PFN1: variants seen among roughly 807,000 people sequenced by gnomAD.
The protein encoded by PFN1 is profilin 1, also known as profilin-1.
PFN1 carries 2 observed loss-of-function variants against 11.7 expected under a neutral mutation model. That is an observed-to-expected ratio of 0.17 (90% CI 0.07 to 0.54). The LOEUF (loss-of-function observed/expected upper bound fraction) is 0.54. Among genes scored for constraint, PFN1 ranks in the 20% least tolerant of loss-of-function variants. The probability of loss-of-function intolerance (pLI) is 0.94; values close to 1 mark genes in which losing one functional copy is unlikely to be tolerated. For missense variants in PFN1, 97 were observed against 188.4 expected (o/e 0.51, Z 2.84); for synonymous variants, 78 against 76.2 (o/e 1.02, Z -0.12).
At position 4,946,980 on chromosome 17, in the gene PFN1, C is replaced by G. The variant is rs1971411646; in HGVS notation, c.133-160G>C. On this transcript the variant is annotated intron_variant, in intron 1 of 2. Coordinates refer to ENST00000225655, the MANE Select transcript of PFN1 (RefSeq NM_005022.4). The stretch of plus-strand genomic sequence containing the variant: ...ACACATCAATGAACTGTGAGAAACT[C>G]TGAGGACTGTGGGACGTTAGTGCAG... The G allele has an allele frequency of 7.7e-6, 4 of 520,678 alleles. No individual in the cohort carries two copies. The South Asian group carries it at 1.3e-4, about 16-fold the overall frequency. The allele number at this position is 520,678 out of a possible 1,614,324, so 32.3% of individuals were successfully genotyped here. A position where few individuals can be genotyped will look rare whatever the true frequency, so the allele number is the denominator to read the frequency against.
At position 4,946,802 on chromosome 17, in the gene PFN1, G is replaced by A. The variant is rs1334583882; in HGVS notation, c.151C>T (p.Leu51=). Residue 51 remains leucine, a synonymous_variant, in exon 2 of 3, where the codon CTG becomes TTG. Transcript: ENST00000225655. ...AAACTTGACCGGTCTTTGCCAACCA[G>A]GACACCCACCTCAGCTGGCTGGAAG... ...VNITPAEVGV[L]VGKDRSSFYV... 6.2e-7 allele frequency: 1 copy of A among 1,612,832 alleles called. No homozygotes were observed. Among genetic ancestry groups the A allele is most frequent in the Admixed American group, 1.7e-5 (1 of 59,824 alleles).
At position 4,948,481 on chromosome 17, in the gene PFN1, G is replaced by A; in HGVS notation, c.-87C>T. On this transcript the variant is annotated 5_prime_UTR_variant, in exon 1 of 3. Coordinates refer to ENST00000225655, the MANE Select transcript of PFN1 (RefSeq NM_005022.4). ...CCTCGGCTGGCGGGCGGGGGGAGGCGGAGAGCTCGGGGCACGCGCTGCCGT... is the reference window on the plus strand; with the variant it reads ...CCTCGGCTGGCGGGCGGGGGGAGGCAGAGAGCTCGGGGCACGCGCTGCCGT... 7.1e-7 allele frequency: 1 copy of A among 1,405,222 alleles called. No individual in the cohort carries two copies. Among genetic ancestry groups the A allele is most frequent in the Non-Finnish European group, 9.3e-7 (1 of 1,074,624 alleles). The allele number at this position is 1,405,222 out of a possible 1,614,324, so 87.0% of individuals were successfully genotyped here.
chr17:4,947,692 C>T (rs1157292098), intron 1 of PFN1, among the ~76,000 whole-genome samples: 2 of 152,184 alleles, frequency 1.3e-5, no homozygotes, highest in East Asian at 3.9e-4. Flanking sequence ...CCGGGATTGG[C>T]CTCGCAGGAA....
In PFN1 at chr17:4,945,811, G is replaced by A; in HGVS notation, c.*89C>T. On this transcript the variant is annotated 3_prime_UTR_variant, in exon 3 of 3. Coordinates refer to ENST00000225655, the MANE Select transcript of PFN1 (RefSeq NM_005022.4). ...GCAGCAATAAGGGGTATGGGGTAAT[G>A]GCCCAAAAAATAAAATGGTTTGTGT... 1.1e-6 allele frequency: 1 copy of A among 904,828 alleles called. No individual in the cohort carries two copies. Among genetic ancestry groups the A allele is most frequent in the Non-Finnish European group, 1.8e-6 (1 of 551,102 alleles). 56.0% of individuals were successfully genotyped at this position (904,828 alleles called of 1,614,324 possible). A position where few individuals can be genotyped will look rare whatever the true frequency, so the allele number is the denominator to read the frequency against.
In PFN1 at chr17:4,948,506, T is replaced by C. The variant is rs1971457437; in HGVS notation, c.-112A>G. On this transcript the variant is annotated 5_prime_UTR_variant, in exon 1 of 3. Transcript: ENST00000225655. Reference sequence around the variant, plus strand: ...GGAGAGCTCGGGGCACGCGCTGCCGTCCGGACCGCGGCTCCGCTCGCTGTG... The same window carrying C: ...GGAGAGCTCGGGGCACGCGCTGCCGCCCGGACCGCGGCTCCGCTCGCTGTG... 8.1e-7 allele frequency: 1 copy of C among 1,232,186 alleles called. No homozygotes were observed. The highest frequency in any genetic ancestry group is 1.7e-5 in the South Asian group (1 of 58,588). 76.3% of individuals were successfully genotyped at this position (1,232,186 alleles called of 1,614,324 possible).
At position 4,948,358 on chromosome 17, in the gene PFN1, C is replaced by T. The variant is rs763837842; in HGVS notation, c.37G>A (p.Ala13Thr). Residue 13 changes from alanine (A) to threonine (T), a missense_variant, in exon 1 of 3, where the codon GCG (alanine) becomes ACG (threonine). Ala to Thr is a moderately conservative substitution (Grantham distance 58, BLOSUM62 0). Transcript: ENST00000225655. The stretch of plus-strand genomic sequence containing the variant: ...GCCGCGTCCTGACAGGTCCCGTCCG[C>T]CATGAGGTTGTCGATGTAGGCGTTC... ...GWNAYIDNLM[A>T]DGTCQDAAIV... 3.1e-6 allele frequency: 5 copies of T among 1,610,530 alleles called. No homozygotes were observed. The highest frequency in any genetic ancestry group is 3.3e-4 in the Middle Eastern group (2 of 6,060).
rs1170629373 is a variant in PFN1 at position 4,945,848 on chromosome 17, G to A, written c.*52C>T. 5.1e-6 allele frequency: 6 copies of A among 1,179,102 alleles called. No homozygotes were observed. The South Asian group carries it at 7.3e-5, about 14-fold the overall frequency. The allele number at this position is 1,179,102 out of a possible 1,614,324, so 73.0% of individuals were successfully genotyped here. On this transcript the variant is annotated 3_prime_UTR_variant, in exon 3 of 3. Transcript: ENST00000225655. ...AAAATGGTTTGTGTGTGTATGGGGAGGAAAGGGGTGCAAAGCTGTGGGGAG... is the reference window on the plus strand; with the variant it reads ...AAAATGGTTTGTGTGTGTATGGGGAAGAAAGGGGTGCAAAGCTGTGGGGAG...
chr17:4,946,125 C>G (rs937772502), intron 2 of PFN1, 128 bp from the exon 3 acceptor site: 4 of 652,452 alleles, frequency 6.1e-6, no homozygotes, highest in South Asian at 3.6e-5. Context: ...CCCGCCCCCC[C>G]ACCACACACA....
At chr17:4,946,137 G>A (rs1314034005) in intron 2 of PFN1, 140 bp from the exon 3 acceptor site, 3 of 621,812 alleles carry the variant, frequency 4.8e-6, no homozygotes, top group Admixed American at 2.7e-5. Flanking sequence ...CCACACACAG[G>A]CAGGCTGTCA....
rs759484888 is a variant in PFN1 at position 4,948,347 on chromosome 17, G to A, written c.48C>T (p.Thr16=). The A allele has an allele frequency of 2.5e-6, 4 of 1,610,882 alleles. No homozygotes were observed. The East Asian group carries it at 6.8e-5, about 27-fold the overall frequency. Residue 16 remains threonine, a synonymous_variant, in exon 1 of 3, where the codon ACC becomes ACT. Transcript: ENST00000225655. ...AGCCCACGATGGCCGCGTCCTGACA[G>A]GTCCCGTCCGCCATGAGGTTGTCGA... The part of the protein sequence containing the change: ...AYIDNLMADG[T]CQDAAIVGYK...
rs370958423 is a variant in PFN1 at position 4,946,014 on chromosome 17, G to A, written c.326-17C>T. 21 of 1,572,572 alleles carry A rather than the reference G, an allele frequency of 1.3e-5. No individual in the cohort carries two copies. The African/African-American group carries it at 2.2e-4, about 16-fold the overall frequency. ...GGACTAGCGCTGGAGGAGGAGGAAA[G>A]AGAAAGGAGGCTAGGATCCAGGTGT... On this transcript the variant is annotated splice_polypyrimidine_tract_variant and intron_variant, in intron 2 of 2. Transcript: ENST00000225655.
intron 1 of PFN1, chr17:4,948,045 C>T (rs1445910487): frequency 4.2e-6 from 2 of 477,712 alleles, no homozygotes; most frequent in Admixed American, 4.4e-5. Flanking sequence ...TCGCGGAAAG[C>T]GGGGTAGCGG....
rs1285979502 is a variant in PFN1, at chr17:4,947,847, T to C, written c.132+416A>G. Among the ~76,000 whole-genome samples, 2 of 151,928 alleles carry C rather than the reference T, an allele frequency of 1.3e-5. 1 individual carries two copies. Among genetic ancestry groups the C allele is most frequent in the Non-Finnish European group, 2.9e-5 (2 of 67,936 alleles). On this transcript the variant is annotated intron_variant, in intron 1 of 2. Coordinates refer to ENST00000225655, the MANE Select transcript of PFN1 (RefSeq NM_005022.4). ...CTCCCTTCCGCACCAGGAGAAACAA[T>C]GGTAGAGGGACGCGGGCTGGCAGCC...
At chr17:4,947,460 C>T (rs1158222421) in intron 1 of PFN1, 1 of 150,216 alleles carries the variant, frequency 6.7e-6, no homozygotes, top group Non-Finnish European at 1.5e-5. Flanking sequence ...CCCTTTCACC[C>T]CAAGCCCCCA....
At chr17:4,946,515 G>T in intron 2 of PFN1, 113 bp downstream of exon 2, 1 of 776,126 alleles carries the variant, frequency 1.3e-6, no homozygotes, top group Non-Finnish European at 2.1e-6. Flanking sequence ...ACACAATACT[G>T]GTCTGACTCC....
In PFN1 at chr17:4,945,670, T is replaced by C; in HGVS notation, c.*230A>G. 2.2e-6 allele frequency: 1 copy of C among 446,082 alleles called. No homozygotes were observed. The highest frequency in any genetic ancestry group is 4.1e-6 in the Non-Finnish European group (1 of 246,758). 27.6% of individuals were successfully genotyped at this position (446,082 alleles called of 1,614,324 possible). A position where few individuals can be genotyped will look rare whatever the true frequency, so the allele number is the denominator to read the frequency against. ...CAGCACCTTGTTAGTAGAATCTTTTTTATTCAGAAAAAAAAAACCCCAAAA... is the reference window on the plus strand; with the variant it reads ...CAGCACCTTGTTAGTAGAATCTTTTCTATTCAGAAAAAAAAAACCCCAAAA... On this transcript the variant is annotated 3_prime_UTR_variant, in exon 3 of 3. Transcript: ENST00000225655.
Position 4,945,830 on chromosome 17 carries a change from T to C in PFN1, c.*70A>G, listed in dbSNP as rs1971372962. 2 of 1,034,920 alleles carry C rather than the reference T, an allele frequency of 1.9e-6. No homozygotes were observed. Among genetic ancestry groups the C allele is most frequent in the East Asian group, 4.8e-5 (2 of 41,596 alleles). The allele number at this position is 1,034,920 out of a possible 1,614,324, so 64.1% of individuals were successfully genotyped here. A position where few individuals can be genotyped will look rare whatever the true frequency, so the allele number is the denominator to read the frequency against. On this transcript the variant is annotated 3_prime_UTR_variant, in exon 3 of 3. Coordinates refer to ENST00000225655, the MANE Select transcript of PFN1 (RefSeq NM_005022.4). ...GGTAATGGCCCAAAAAATAAAATGG[T>C]TTGTGTGTGTATGGGGAGGAAAGGG... is the stretch of plus-strand genomic sequence containing the variant.
rs371230805 is a variant in PFN1, at chr17:4,946,009, G to A, written c.326-12C>T. 2.5e-6 allele frequency: 4 copies of A among 1,595,350 alleles called. No homozygotes were observed. The highest frequency in any genetic ancestry group is 3.4e-6 in the Non-Finnish European group (4 of 1,163,182). On this transcript the variant is annotated splice_polypyrimidine_tract_variant and intron_variant, in intron 2 of 2. Transcript: ENST00000225655. Reference sequence around the variant, plus strand: ...CAGCAGGACTAGCGCTGGAGGAGGAGGAAAGAGAAAGGAGGCTAGGATCCA... The same window carrying A: ...CAGCAGGACTAGCGCTGGAGGAGGAAGAAAGAGAAAGGAGGCTAGGATCCA...
At chr17:4,947,791 T>G (rs531122494) in intron 1 of PFN1, among the ~76,000 whole-genome samples, 131 of 151,884 alleles carry the variant, frequency 8.6e-4, no homozygotes, top group Non-Finnish European at 1.5e-3. Context: ...CCACAGAGGG[T>G]GGGCAAGGGA....
Sources: gnomAD v4.1 joint callset for allele counts (sites outside exome capture counted in the v4.1 genomes callset) on GRCh38, gnomAD v4.1.1 for gene constraint, MANE v1.5 for transcripts, NCBI Gene and HGNC (gene_info 2026-07-23, HGNC 2026-07-21) for gene names.